AMZ2: variants seen among roughly 807,000 people sequenced by gnomAD.
The protein encoded by AMZ2 is archaemetzincin-2.
In AMZ2, 26 loss-of-function variants were observed where a neutral mutation model predicts 36.7. The ratio of observed to expected loss-of-function variants is 0.71; its 90% CI spans 0.52 to 0.98. The LOEUF (loss-of-function observed/expected upper bound fraction) is 0.98. Ranked by LOEUF, AMZ2 falls within the 50% of genes least tolerant of loss-of-function variation. AMZ2 has a pLI of 0.00. For missense variants in AMZ2, 394 were observed against 430.5 expected (o/e 0.92, Z 0.75); for synonymous variants, 144 against 149.1 (o/e 0.97, Z 0.25).
chr17:68,228,595 T>C (rs1555730458), intron 1 of AMZ2, among the ~76,000 whole-genome samples: 1 of 152,250 alleles, frequency 6.6e-6, no homozygotes, highest in Non-Finnish European at 1.5e-5. Context: ...CAGCATTCCT[T>C]TCGCTGCTTT....
chr17:68,234,979 C>A (rs1488971952), intron 1 of AMZ2, among the ~76,000 whole-genome samples: 1 of 151,844 alleles, frequency 6.6e-6, no homozygotes, highest in South Asian at 2.1e-4. Context: ...TGTGCCATTG[C>A]ACTCCAGCCT....
rs1486050539 is a variant in AMZ2, at chr17:68,207,315, C to CA, written c.-67+1077_-67+1078insA. The CA allele has an allele frequency of 4.0e-5, 5 of 124,310 alleles. 1 individual carries two copies. Among genetic ancestry groups the CA allele is most frequent in the South Asian group, 3.0e-4 (1 of 3,386 alleles). The allele number at this position is 124,310 out of a possible 1,614,324, so 7.7% of individuals were successfully genotyped here. A position where few individuals can be genotyped will look rare whatever the true frequency, so the allele number is the denominator to read the frequency against. ...TGCTAAGATGCATTTTGTTAAATAC[C>CA]CCCCCCCCACAAAGGCTGCTTTGTA... On this transcript the variant is annotated intron_variant, in intron 1 of 7. Coordinates refer to the AMZ2 transcript ENST00000674770.
intron 1 of AMZ2, among the ~76,000 whole-genome samples, chr17:68,214,561 G>GA (rs2073147318): frequency 6.6e-6 from 1 of 152,108 alleles, no homozygotes; most frequent in Non-Finnish European, 1.5e-5. Context: ...GCTTGAAGGG[G>GA]AGAGAGATGG....
chr17:68,234,647 A>G (rs1312192467), intron 1 of AMZ2, among the ~76,000 whole-genome samples: 1 of 151,930 alleles, frequency 6.6e-6, no homozygotes, highest in African/African-American at 2.4e-5. Flanking sequence ...GCACACACCT[A>G]TAGTCTTAGC....
rs1187517997 is a variant in AMZ2 at position 68,210,962 on chromosome 17, G to C, written c.-67+4724G>C. 3.4e-5 allele frequency among the ~76,000 whole-genome samples: 5 copies of C among 145,084 alleles called. No individual in the cohort carries two copies. In the East Asian group the frequency reaches 6.6e-4, roughly 19 times the overall value. On this transcript the variant is annotated intron_variant, in intron 1 of 7. Coordinates refer to the AMZ2 transcript ENST00000674770. Reference sequence around the variant, plus strand: ...AGACCCTGTCTCAAAAAAAAAGGGGGGGGGGGAGGTGGTTAGAGTGTAAAT... The same window carrying C: ...AGACCCTGTCTCAAAAAAAAAGGGGCGGGGGGAGGTGGTTAGAGTGTAAAT...
At chr17:68,239,809 A>G (rs1335546526) in intron 1 of AMZ2, among the ~76,000 whole-genome samples, 1 of 152,040 alleles carries the variant, frequency 6.6e-6, no homozygotes, top group African/African-American at 2.4e-5. Context: ...ACCCCCCACC[A>G]GTTTTTTGTG....
At chr17:68,208,272 G>A (rs1421388474) in intron 1 of AMZ2, among the ~76,000 whole-genome samples, 1 of 151,716 alleles carries the variant, frequency 6.6e-6, no homozygotes, top group Admixed American at 6.6e-5. Flanking sequence ...AGCCAGCTGG[G>A]CTCCTGACTC....
rs559126175 is a variant in AMZ2 at position 68,209,322 on chromosome 17, C to T, written c.-67+3084C>T. Among the ~76,000 whole-genome samples the T allele has an allele frequency of 4.0e-5, 6 of 151,780 alleles. No individual in the cohort carries two copies. In the East Asian group the frequency reaches 9.7e-4, roughly 25 times the overall value. Reference sequence around the variant, plus strand: ...GATTCTCCTGCCTCAGCCTCCCCAGCAGCTGGGATTACAGGCGCCCATCAG... The same window carrying T: ...GATTCTCCTGCCTCAGCCTCCCCAGTAGCTGGGATTACAGGCGCCCATCAG... On this transcript the variant is annotated intron_variant, in intron 1 of 7. Coordinates refer to the AMZ2 transcript ENST00000674770.
chr17:68,214,613 C>T (rs2073148379), intron 1 of AMZ2, among the ~76,000 whole-genome samples: 1 of 152,058 alleles, frequency 6.6e-6, no homozygotes, highest in African/African-American at 2.4e-5. Flanking sequence ...CTAGAGACAC[C>T]CCTCCTTGTT....
chr17:68,252,033 T>TG (rs1340675398), intron 4 of AMZ2, among the ~76,000 whole-genome samples: 6 of 152,144 alleles, frequency 3.9e-5, no homozygotes, highest in African/African-American at 1.4e-4. Context: ...TTTTTTTTTT[T>TG]GTCATCTCTC....
At chr17:68,218,165 A>C (rs1167648553) in intron 1 of AMZ2, among the ~76,000 whole-genome samples, 1 of 152,216 alleles carries the variant, frequency 6.6e-6, no homozygotes, top group African/African-American at 2.4e-5. Context: ...ACCAAGACAT[A>C]TTCAGCATAT....
chr17:68,253,424 T>C (rs1376218290), intron 4 of AMZ2, among the ~76,000 whole-genome samples: 7 of 152,230 alleles, frequency 4.6e-5, no homozygotes, highest in Admixed American at 2.6e-4. Flanking sequence ...GGGTGAGTTA[T>C]GTAGCAAACC....
chr17:68,206,218 G>C, exon 1 of AMZ2: 1 of 1,303,456 alleles, frequency 7.7e-7, no homozygotes, highest in East Asian at 2.8e-5. Flanking sequence ...AGGAGCCATA[G>C]TACCTACAGC....
intron 1 of AMZ2, among the ~76,000 whole-genome samples, chr17:68,210,507 G>T (rs1463736573): frequency 1.3e-5 from 2 of 152,200 alleles, no homozygotes; most frequent in African/African-American, 4.8e-5. Context: ...AAAGTAGAAG[G>T]GTGATTACTG....
At chr17:68,208,147 C>T (rs1379556164) in intron 1 of AMZ2, among the ~76,000 whole-genome samples, 2 of 152,210 alleles carry the variant, frequency 1.3e-5, no homozygotes, top group Non-Finnish European at 2.9e-5. Flanking sequence ...AGCACCGCCC[C>T]CTGCCCCACG....
intron 1 of AMZ2, among the ~76,000 whole-genome samples, chr17:68,238,221 T>C (rs1396995860): frequency 6.6e-6 from 1 of 152,140 alleles, no homozygotes; most frequent in Non-Finnish European, 1.5e-5. Context: ...CTTCTTCTTT[T>C]TTTAAATAGA....
chr17:68,236,825 C>T (rs1256113218), intron 1 of AMZ2, among the ~76,000 whole-genome samples: 1 of 152,072 alleles, frequency 6.6e-6, no homozygotes, highest in Non-Finnish European at 1.5e-5. Context: ...AATGATCCAC[C>T]CACCTTGGCC....
In AMZ2 at chr17:68,248,285, G is replaced by A; in HGVS notation, c.-421G>A. 1.0e-6 allele frequency: 1 copy of A among 985,880 alleles called. No homozygotes were observed. The highest frequency in any genetic ancestry group is 1.2e-6 in the Non-Finnish European group (1 of 830,084). The allele number at this position is 985,880 out of a possible 1,614,324, so 61.1% of individuals were successfully genotyped here. A position where few individuals can be genotyped will look rare whatever the true frequency, so the allele number is the denominator to read the frequency against. On this transcript the variant is annotated 5_prime_UTR_variant, in exon 1 of 7. Transcript: ENST00000359904. ...TCGGTGCCTCTAGGGAGCCAGGGAG[G>A]CCTTTCCCGAGGCTCCTGGGGAAGA... is the stretch of plus-strand genomic sequence containing the variant.
chr17:68,239,272 T>C (rs1555733524), intron 1 of AMZ2, among the ~76,000 whole-genome samples: 2 of 152,184 alleles, frequency 1.3e-5, no homozygotes, highest in Admixed American at 6.5e-5. Context: ...AGTCCCTGGA[T>C]TGCAGCATCC....
Sources: allele counts gnomAD v4.1 joint callset (sites outside exome capture counted in the v4.1 genomes callset), GRCh38; gene constraint gnomAD v4.1.1; transcripts MANE v1.5; gene names NCBI Gene and HGNC (gene_info 2026-07-23, HGNC 2026-07-21).